Variants in PERM1 observed in about 807,000 individuals in gnomAD.
PERM1 encodes the protein PPARGC1 and ESRR induced regulator, muscle 1, also known as PGC-1 and ERR-induced regulator in muscle protein 1.
A neutral mutation model predicts 44.1 loss-of-function variants in PERM1; 45 were observed. The ratio of observed to expected loss-of-function variants is 1.02; its 90% CI spans 0.80 to 1.31. PERM1 has a LOEUF of 1.31. Among genes scored for constraint, PERM1 ranks in the 50% most tolerant of loss-of-function variants. PERM1 has a pLI of 0.00. For synonymous variants in PERM1, 565 were observed against 477.1 expected (o/e 1.18, Z -2.40); for missense variants, 1,189 against 1,106.9 (o/e 1.07, Z -1.05).
exon 1 of PERM1, chr1:979,620 C>T: frequency 1.3e-6 from 2 of 1,550,274 alleles, no homozygotes; most frequent in East Asian, 2.4e-5. Context: ...CCTCCATCTC[C>T]ACCACATCAG....
At chr1:979,578 G>T in exon 1 of PERM1, 1 of 1,548,338 alleles carries the variant, frequency 6.5e-7, no homozygotes, top group Non-Finnish European at 8.7e-7. Flanking sequence ...AGCAGCATCC[G>T]GGGGCCCCTG....
chr1:980,398 G>A (rs376579351), exon 1 of PERM1: 54 of 1,549,832 alleles, frequency 3.5e-5, no homozygotes, highest in East Asian at 1.7e-4. Flanking sequence ...AGGACTGGCC[G>A]CAGGGAGCAG....
chr1:979,712 C>A lies in PERM1; in HGVS notation c.1318G>T (p.Glu440Ter), dbSNP rs1006299276. 6.5e-7 allele frequency: 1 copy of A among 1,550,182 alleles called. No homozygotes were observed. Among genetic ancestry groups the A allele is most frequent in the Non-Finnish European group, 8.7e-7 (1 of 1,146,934 alleles). Residue 440 changes from glutamate (E) to a stop codon, truncating the protein, a stop_gained, in exon 1 of 3, where the codon GAG becomes TAG. Coordinates refer to ENST00000433179, the Ensembl canonical transcript of PERM1. LOFTEE classifies it high-confidence loss of function. ...GGTGTAGACACAAGCCCGCTGGACTCGGTCATCCTCGGCACAGCCTCCGAG... is the reference window on the plus strand; with the variant it reads ...GGTGTAGACACAAGCCCGCTGGACTAGGTCATCCTCGGCACAGCCTCCGAG...
At chr1:979,524 C>A (rs1643727390) in exon 1 of PERM1, 2 of 1,549,856 alleles carry the variant, frequency 1.3e-6, no homozygotes, top group African/African-American at 1.4e-5. Flanking sequence ...AGCGCACTTT[C>A]TTCTTCCTGG....
chr1:980,921 C>T (rs1643779268), exon 1 of PERM1: 7 of 1,417,648 alleles, frequency 4.9e-6, no homozygotes, highest in African/African-American at 2.9e-5. Flanking sequence ...GACAAGAGCT[C>T]GTCCCCAGAG....
At chr1:980,267 G>A (rs1643757222) in exon 1 of PERM1, 7 of 1,550,406 alleles carry the variant, frequency 4.5e-6, no homozygotes, top group Non-Finnish European at 6.1e-6. Context: ...GGTGTAGACA[G>A]GCCCAAACCT....
At chr1:979,523 T>C (rs1432961032) in exon 1 of PERM1, 1 of 1,549,824 alleles carries the variant, frequency 6.5e-7, no homozygotes, top group Non-Finnish European at 8.7e-7. Context: ...AAGCGCACTT[T>C]CTTCTTCCTG....
intron 1 of PERM1, 35 bp from the exon 3 acceptor site, chr1:976,659 C>T (rs1176139397): frequency 3.9e-6 from 6 of 1,548,166 alleles, no homozygotes; most frequent in South Asian, 1.2e-5. Context: ...CCCACGGCTG[C>T]ACTCAGAGAT....
chr1:980,727 C>T, exon 1 of PERM1: 1 of 1,415,492 alleles, frequency 7.1e-7, no homozygotes, highest in Non-Finnish European at 9.2e-7. Flanking sequence ...TGCTGGGTGT[C>T]TGCTGACCGG....
chr1:978,193 A>T (rs572966201), intron 1 of PERM1, among the ~76,000 whole-genome samples: 39 of 88,814 alleles, frequency 4.4e-4, no homozygotes, highest in Non-Finnish European at 7.2e-4. Context: ...AACCCTGCAC[A>T]CTCTTGGCCT....
rs933136962 is a variant in PERM1, at chr1:980,350, T to G, written c.680A>C (p.Glu227Ala). 1.9e-6 allele frequency: 3 copies of G among 1,550,050 alleles called. No homozygotes were observed. The African/African-American group carries it at 4.1e-5, about 21-fold the overall frequency. Reference sequence around the variant, plus strand: ...AGCTCCTGCAGGACCTGGCCCCAACTCCTCCTGCCCGGCTTTGGCCATCAG... The same window carrying G: ...AGCTCCTGCAGGACCTGGCCCCAACGCCTCCTGCCCGGCTTTGGCCATCAG... The change falls in exon 1 of 3, where the codon GAG becomes GCG. Residue 227 changes from glutamate (E) to alanine (A), a missense_variant. This residue lies in a region of PERM1 where 15 missense variants were observed against 28.6 expected (regional missense o/e 0.52). Coordinates refer to ENST00000433179, the Ensembl canonical transcript of PERM1.
exon 1 of PERM1, chr1:980,795 C>G: frequency 7.1e-7 from 1 of 1,400,528 alleles, no homozygotes; most frequent in Non-Finnish European, 9.2e-7. Flanking sequence ...TGTGTGGCCA[C>G]GTCCTCCTCC....
Position 980,181 on chromosome 1 carries a change from A to G in PERM1, c.849T>C (p.Thr283=), listed in dbSNP as rs1413813042. The G allele has an allele frequency of 3.9e-6, 6 of 1,550,408 alleles. No individual in the cohort carries two copies. The South Asian group carries it at 7.1e-5, about 18-fold the overall frequency. The change falls in exon 1 of 3, where the codon ACT becomes ACC. Residue 283 remains threonine, a synonymous_variant. Coordinates refer to ENST00000433179, the Ensembl canonical transcript of PERM1. ...AGACATCTGGGAGGGCTTCCCAGACAGTCGTGGACACTGTGTGCAGCTTGG... is the reference window on the plus strand; with the variant it reads ...AGACATCTGGGAGGGCTTCCCAGACGGTCGTGGACACTGTGTGCAGCTTGG...
chr1:976,299 G>T, intron 2 of PERM1, 30 bp from the exon 4 acceptor site: 1 of 1,474,910 alleles, frequency 6.8e-7, no homozygotes, highest in Admixed American at 2.5e-5. Context: ...TCTTCTGAGG[G>T]CCAGCCTGGC....
chr1:981,160 G>A (rs1056250011), upstream of PERM1: 9 of 1,548,648 alleles, frequency 5.8e-6, no homozygotes, highest in African/African-American at 1.4e-5. Context: ...CCGCCTCGGG[G>A]CTCCATCCAT....
exon 1 of PERM1, chr1:980,415 G>A (rs969020681): frequency 2.6e-5 from 41 of 1,549,218 alleles, no homozygotes; most frequent in Non-Finnish European, 3.6e-5. Context: ...GCAGCGGGGA[G>A]CCCGTCTGGG....
chr1:980,802 C>G, exon 1 of PERM1: 1 of 1,399,866 alleles, frequency 7.1e-7, no homozygotes, highest in Non-Finnish European at 9.2e-7. Flanking sequence ...CCACGTCCTC[C>G]TCCTCGCAGC....
chr1:975,905 C>T (rs1643583529), exon 3 of PERM1: 1 of 488,042 alleles, frequency 2.0e-6, no homozygotes, highest in Non-Finnish European at 3.6e-6. Flanking sequence ...GTGTTCTCAT[C>T]TGTGAATCTG....
chr1:979,979 C>T, exon 1 of PERM1: 1 of 1,548,680 alleles, frequency 6.5e-7, no homozygotes. Flanking sequence ...GGTTGCGGCT[C>T]AGAGGCAGGT....
Sources: allele counts gnomAD v4.1 joint callset (sites outside exome capture counted in the v4.1 genomes callset), GRCh38; gene constraint gnomAD v4.1.1; regional missense constraint gnomAD v4.1.1; transcripts MANE v1.5; gene names NCBI Gene and HGNC (gene_info 2026-07-23, HGNC 2026-07-21).